ROBO2: variants seen among roughly 807,000 people sequenced by gnomAD.
ROBO2 encodes the protein roundabout homolog 2.
Under a neutral mutation model 160.8 loss-of-function variants are expected in ROBO2, and 53 were observed. The ratio of observed to expected loss-of-function variants is 0.33; its 90% CI spans 0.26 to 0.41. The LOEUF (loss-of-function observed/expected upper bound fraction) is 0.41. ROBO2 is among the 10% of genes least tolerant of loss of function. The pLI, the probability that ROBO2 is intolerant of heterozygous loss-of-function variation, is 1.00. For synonymous variants in ROBO2, 664 were observed against 611.7 expected (o/e 1.09, Z -1.26); for missense variants, 1,577 against 1,722.4 (o/e 0.92, Z 1.49).
At chr3:76,209,069 A>G (rs192980602) in intron 2 of ROBO2, among the ~76,000 whole-genome samples, 1 of 152,260 alleles carries the variant, frequency 6.6e-6, no homozygotes, top group East Asian at 1.9e-4. Flanking sequence ...CCAGATGTCT[A>G]TGCACTCTTC....
At chr3:77,244,461 A>G (rs865900847) in intron 2 of ROBO2, among the ~76,000 whole-genome samples, 1 of 152,216 alleles carries the variant, frequency 6.6e-6, no homozygotes, top group African/African-American at 2.4e-5. Context: ...ATCCATAAAT[A>G]TCATTGGGTG....
intron 2 of ROBO2, among the ~76,000 whole-genome samples, chr3:76,860,904 C>T (rs1390527827): frequency 4.6e-5 from 7 of 151,924 alleles, no homozygotes; most frequent in East Asian, 1.9e-4. Flanking sequence ...AGTGTGTGTG[C>T]GTGTGTGTGT....
chr3:77,286,380 C>T (rs2060601489), intron 2 of ROBO2, among the ~76,000 whole-genome samples: 2 of 151,224 alleles, frequency 1.3e-5, no homozygotes, highest in Admixed American at 1.3e-4. Context: ...CCTCAGCCTT[C>T]CGAGTAGCTG....
chr3:77,080,202 A>T (rs2068489535), intron 1 of ROBO2, among the ~76,000 whole-genome samples: 1 of 152,098 alleles, frequency 6.6e-6, no homozygotes, highest in Non-Finnish European at 1.5e-5. Context: ...CTGTAACTAG[A>T]AGGACAACAC....
chr3:77,160,731 T>G (rs1475935556), intron 2 of ROBO2, among the ~76,000 whole-genome samples: 2 of 152,210 alleles, frequency 1.3e-5, no homozygotes, highest in African/African-American at 2.4e-5. Flanking sequence ...ACAGTTTTAG[T>G]ACCGCTACTT....
chr3:76,708,270 G>T (rs1454920776), intron 2 of ROBO2, among the ~76,000 whole-genome samples: 2 of 152,096 alleles, frequency 1.3e-5, no homozygotes, highest in Non-Finnish European at 2.9e-5. Flanking sequence ...TGTAGAGATG[G>T]CATTTGAACC....
At chr3:77,574,821 AG>A in intron 14 of ROBO2, 91 bp downstream of exon 15, 1 of 924,154 alleles carries the variant, frequency 1.1e-6, no homozygotes, top group Non-Finnish European at 1.7e-6. Context: ...AAGAATGGAA[AG>A]ATATCACCTA....
intron 2 of ROBO2, among the ~76,000 whole-genome samples, chr3:76,391,193 C>T (rs1239654525): frequency 1.3e-5 from 2 of 152,000 alleles, no homozygotes; most frequent in Non-Finnish European, 2.9e-5. Context: ...AAGTGTTTCT[C>T]AACGATCAAA....
rs146832262 is a variant in ROBO2 at position 77,284,417 on chromosome 3, G to A, written c.388+186077G>A. ...GTGGTAATAATAATGGTACCTAGCC[G>A]TGATGATTAAATGGGATAATATAAG... On this transcript the variant is annotated intron_variant, in intron 2 of 25. Coordinates refer to ENST00000461745, the Ensembl canonical transcript of ROBO2. Among the ~76,000 whole-genome samples, 389 of 152,232 alleles carry A rather than the reference G, an allele frequency of 2.6e-3. 2 individuals carry two copies. Among genetic ancestry groups the A allele is most frequent in the Non-Finnish European group, 4.4e-3 (297 of 68,008 alleles).
intron 2 of ROBO2, among the ~76,000 whole-genome samples, chr3:76,106,798 G>T (rs1372140465): frequency 5.3e-5 from 8 of 152,018 alleles, no homozygotes. Context: ...TAATGGAAGG[G>T]TAATACCACA....
chr3:76,471,293 T>C (rs1336257452), intron 2 of ROBO2, among the ~76,000 whole-genome samples: 2 of 152,170 alleles, frequency 1.3e-5, no homozygotes, highest in African/African-American at 4.8e-5. Flanking sequence ...GCTCTTAGAC[T>C]AGACACATTT....
chr3:76,082,147 A>G (rs1180776273), intron 2 of ROBO2, among the ~76,000 whole-genome samples: 1 of 152,136 alleles, frequency 6.6e-6, no homozygotes, highest in Non-Finnish European at 1.5e-5. Flanking sequence ...AGACTGATGT[A>G]AAAGGTAAGA....
chr3:76,626,969 C>T (rs889847420), intron 2 of ROBO2, among the ~76,000 whole-genome samples: 4 of 152,082 alleles, frequency 2.6e-5, no homozygotes, highest in Admixed American at 1.3e-4. Context: ...GGATTACAGG[C>T]GTGAGCCACC....
intron 4 of ROBO2, among the ~76,000 whole-genome samples, chr3:77,483,183 A>G (rs990399367): frequency 1.3e-5 from 2 of 152,124 alleles, no homozygotes; most frequent in Non-Finnish European, 2.9e-5. Context: ...AACTGACCTG[A>G]GGGGTTATAA....
At chr3:76,384,354 C>T (rs1004686267) in intron 2 of ROBO2, among the ~76,000 whole-genome samples, 1 of 152,136 alleles carries the variant, frequency 6.6e-6, no homozygotes, top group Non-Finnish European at 1.5e-5. Flanking sequence ...TATATGTTAA[C>T]ATTCAGCCAT....
At chr3:77,556,573 C>T (rs950022595) in intron 8 of ROBO2, among the ~76,000 whole-genome samples, 2 of 151,786 alleles carry the variant, frequency 1.3e-5, no homozygotes, top group African/African-American at 4.8e-5. Flanking sequence ...AAACTATGAA[C>T]TCTAGTAAAT....
intron 2 of ROBO2, among the ~76,000 whole-genome samples, chr3:76,546,967 C>T (rs2083142004): frequency 6.6e-6 from 1 of 151,878 alleles, no homozygotes; most frequent in South Asian, 2.1e-4. Context: ...TGAAAATTAG[C>T]TACCCCATAT....
intron 2 of ROBO2, among the ~76,000 whole-genome samples, chr3:76,902,615 G>A (rs974475009): frequency 1.3e-5 from 2 of 152,000 alleles, no homozygotes; most frequent in African/African-American, 4.8e-5. Flanking sequence ...GCTAGATTCT[G>A]CAACTTGTTA....
At chr3:77,527,328 T>G (rs1417094262) in intron 6 of ROBO2, 75 bp from the exon 7 acceptor site, 2 of 1,088,788 alleles carry the variant, frequency 1.8e-6, no homozygotes, top group South Asian at 2.6e-5. Flanking sequence ...TTACACATCA[T>G]GCATTCTGAT....
Sources: allele counts gnomAD v4.1 joint callset (sites outside exome capture counted in the v4.1 genomes callset), GRCh38; gene constraint gnomAD v4.1.1; transcripts MANE v1.5; gene names NCBI Gene and HGNC (gene_info 2026-07-23, HGNC 2026-07-21).